NLRP9: variants seen among roughly 807,000 people sequenced by gnomAD.
The protein encoded by NLRP9 is NLR family pyrin domain containing 9.
In NLRP9, 88 loss-of-function variants were observed where a neutral mutation model predicts 83.1. The observed-to-expected ratio is 1.06, with a 90% CI of 0.89 to 1.26. The LOEUF is 1.26. Ranked by LOEUF, NLRP9 falls within the 50% of genes most tolerant of loss-of-function variation. The pLI, the probability that NLRP9 is intolerant of heterozygous loss-of-function variation, is 0.00. For missense variants in NLRP9, 1,308 were observed against 1,179.3 expected (o/e 1.11, Z -1.60); for synonymous variants, 521 against 447.6 (o/e 1.16, Z -2.07).
chr19:55,728,651 T>C (rs1988471633), intron 3 of NLRP9, among the ~76,000 whole-genome samples: 1 of 152,156 alleles, frequency 6.6e-6, no homozygotes, highest in Non-Finnish European at 1.5e-5. Context: ...AACAGGCCTT[T>C]CTCGAGACAG....
At chr19:55,713,417 T>A (rs1987850823) in intron 6 of NLRP9, among the ~76,000 whole-genome samples, 1 of 151,820 alleles carries the variant, frequency 6.6e-6, no homozygotes, top group African/African-American at 2.4e-5. Flanking sequence ...GGCACGTGTC[T>A]ACCCACACTC....
chr19:55,736,727 G>A (rs899568726), intron 1 of NLRP9, among the ~76,000 whole-genome samples: 8 of 151,818 alleles, frequency 5.3e-5, no homozygotes, highest in Non-Finnish European at 7.4e-5. Flanking sequence ...CCAGCTACTC[G>A]GGAAGCTGAG....
At position 55,708,707 on chromosome 19, in the gene NLRP9, CAA is replaced by C; in HGVS notation, c.*203_*204del. 2.4e-6 allele frequency: 1 copy of C among 408,994 alleles called. No homozygotes were observed. The highest frequency in any genetic ancestry group is 4.4e-6 in the Non-Finnish European group (1 of 229,702). The allele number at this position is 408,994 out of a possible 1,614,324, so 25.3% of individuals were successfully genotyped here. On this transcript the variant is annotated 3_prime_UTR_variant, in exon 9 of 9. Coordinates refer to ENST00000332836, the MANE Select transcript of NLRP9 (RefSeq NM_176820.4). The stretch of plus-strand genomic sequence containing the variant: ...CAAGGCAGGATGGGATTTCTAAAGA[CAA>C]GGGGATATAGGACCGAGGCAAAGAC...
At chr19:55,736,423 A>G (rs1988787132) in intron 1 of NLRP9, among the ~76,000 whole-genome samples, 1 of 151,860 alleles carries the variant, frequency 6.6e-6, no homozygotes, top group Admixed American at 6.6e-5. Flanking sequence ...TGTCTTAGAG[A>G]TTTTTATAAC....
intron 1 of NLRP9, among the ~76,000 whole-genome samples, chr19:55,737,022 G>C (rs1260445978): frequency 1.3e-5 from 2 of 152,044 alleles, no homozygotes; most frequent in African/African-American, 4.8e-5. Context: ...CAAAAGTAAA[G>C]GGAGAAGATA....
intron 3 of NLRP9, among the ~76,000 whole-genome samples, chr19:55,727,588 T>G (rs981657802): frequency 1.3e-5 from 2 of 152,204 alleles, no homozygotes; most frequent in African/African-American, 4.8e-5. Flanking sequence ...ATCAAGCCAG[T>G]CCCCTACTTT....
intron 8 of NLRP9, chr19:55,711,529 G>T: frequency 7.9e-7 from 1 of 1,264,348 alleles, no homozygotes; most frequent in Non-Finnish European, 1.1e-6. Context: ...CTGTGTCTCC[G>T]AGGGACTTCT....
At position 55,732,836 on chromosome 19, in the gene NLRP9, AT is replaced by A. The variant is rs748405249; in HGVS notation, c.994del (p.Ile332SerfsTer16). The A allele has an allele frequency of 5.0e-6, 8 of 1,614,184 alleles. No homozygotes were observed. In the South Asian group the frequency reaches 8.8e-5, roughly 18 times the overall value. ...NFVRDNGPLF[I>X]LCHNPFTCWL... is the part of the protein sequence containing the mutation. ...GCACGTAAAGGGATTATGGCACAAG[AT>A]AAACAGCGGCCCATTATCTCTCACA... On this transcript the variant is annotated frameshift_variant, in exon 2 of 9. Coordinates refer to ENST00000332836, the MANE Select transcript of NLRP9 (RefSeq NM_176820.4). LOFTEE classifies it high-confidence loss of function.
chr19:55,731,559 A>G (rs1316768298), intron 2 of NLRP9, among the ~76,000 whole-genome samples: 1 of 151,400 alleles, frequency 6.6e-6, no homozygotes, highest in Non-Finnish European at 1.5e-5. Context: ...CCCTGTCTCT[A>G]CCAAAAATAC....
At position 55,726,986 on chromosome 19, in the gene NLRP9, G is replaced by A. The variant is rs1988421293; in HGVS notation, c.1995-2842C>T. The stretch of plus-strand genomic sequence containing the variant: ...GTTTTTACTAGACACTGAACTAAAG[G>A]ACTTGTGTAAAATATCAATGAGTTG... On this transcript the variant is annotated intron_variant, in intron 3 of 8. Coordinates refer to ENST00000332836, the MANE Select transcript of NLRP9 (RefSeq NM_176820.4). 1.3e-5 allele frequency among the ~76,000 whole-genome samples: 2 copies of A among 152,176 alleles called. 1 individual carries two copies. Among genetic ancestry groups the A allele is most frequent in the South Asian group, 4.1e-4 (2 of 4,826 alleles).
At chr19:55,717,033 CTTT>C (rs397968319) in intron 4 of NLRP9, 135 bp from the exon 5 acceptor site, 2,144 of 363,394 alleles carry the variant, frequency 5.9e-3, no homozygotes, top group East Asian at 8.1e-3. Flanking sequence ...GACTCTTTTT[CTTT>C]TTTTTTTTTT....
chr19:55,732,546 C>A lies in NLRP9; in HGVS notation c.1285G>T (p.Val429Leu). ...CTCCTTTGGAGGAGTCTCATACCCA[C>A]CCACATCACGCCCTCAGACTCAGAT... The part of the protein sequence containing the change: ...GLSESEGVMW[V>L]GMRLLQRRGD... The change falls in exon 2 of 9, where the codon GTG (valine) becomes TTG (leucine). Residue 429 changes from valine (V) to leucine (L), a missense_variant. By Grantham distance (32) the Val-to-Leu change is conservative (BLOSUM62 1). Transcript: ENST00000332836. 1 of 1,614,178 alleles carries A rather than the reference C, an allele frequency of 6.2e-7. No individual in the cohort carries two copies. The highest frequency in any genetic ancestry group is 8.5e-7 in the Non-Finnish European group (1 of 1,180,034).
At chr19:55,711,100 A>G (rs1409438697) in intron 8 of NLRP9, among the ~76,000 whole-genome samples, 1 of 123,226 alleles carries the variant, frequency 8.1e-6, no homozygotes, top group South Asian at 2.4e-4. Flanking sequence ...AAACAAAACA[A>G]AACAAAACAA....
chr19:55,719,929 T>C (rs1167017515), intron 4 of NLRP9, among the ~76,000 whole-genome samples: 3 of 152,116 alleles, frequency 2.0e-5, no homozygotes, highest in Admixed American at 6.6e-5. Flanking sequence ...TGGGACGAAA[T>C]ATACTGATTT....
intron 3 of NLRP9, among the ~76,000 whole-genome samples, chr19:55,725,003 G>A (rs987436532): frequency 6.6e-6 from 1 of 152,056 alleles, no homozygotes; most frequent in African/African-American, 2.4e-5. Flanking sequence ...AGGCTGCAGT[G>A]AGCCGAGATG....
chr19:55,724,175 T>C (rs1186720584), intron 3 of NLRP9, 31 bp from the exon 4 acceptor site: 3 of 1,501,524 alleles, frequency 2.0e-6, no homozygotes, highest in Admixed American at 1.8e-5. Context: ...AATAGCATCA[T>C]GCAATGAGAT....
chr19:55,723,505 T>C (rs992534548), intron 4 of NLRP9, among the ~76,000 whole-genome samples: 4 of 151,974 alleles, frequency 2.6e-5, no homozygotes, highest in African/African-American at 7.3e-5. Flanking sequence ...GGCGGGCAGA[T>C]TGGTTGAGAC....
chr19:55,712,088 G>A (rs1200237113), intron 7 of NLRP9, 118 bp from the exon 8 acceptor site: 7 of 1,030,304 alleles, frequency 6.8e-6, no homozygotes, highest in South Asian at 1.5e-5. Flanking sequence ...CTAGACCCGG[G>A]CTTCTCAGCC....
intron 1 of NLRP9, among the ~76,000 whole-genome samples, chr19:55,735,061 A>T (rs1280209979): frequency 6.6e-6 from 1 of 152,178 alleles, no homozygotes; most frequent in Non-Finnish European, 1.5e-5. Context: ...TTGGGAAGGG[A>T]CTGGACGGAA....
Sources: allele counts gnomAD v4.1 joint callset (sites outside exome capture counted in the v4.1 genomes callset), GRCh38; gene constraint gnomAD v4.1.1; transcripts MANE v1.5; gene names NCBI Gene and HGNC (gene_info 2026-07-23, HGNC 2026-07-21).